STPG2: variants seen among roughly 807,000 people sequenced by gnomAD.
STPG2 encodes the protein sperm tail PG-rich repeat containing 2.
A neutral mutation model predicts 54.2 loss-of-function variants in STPG2; 56 were observed. The observed-to-expected ratio is 1.03, with a 90% confidence interval of 0.83 to 1.29. The LOEUF (loss-of-function observed/expected upper bound fraction) is 1.29, where lower values mean the gene tolerates loss of function less well. Among genes scored for constraint, STPG2 ranks in the 50% most tolerant of loss-of-function variants. The pLI is 0.00. For missense variants in STPG2, 596 were observed against 544.9 expected (o/e 1.09, Z -0.93); for synonymous variants, 200 against 181.8 (o/e 1.10, Z -0.81).
At chr4:97,703,646 CAT>C (rs1212251962) in intron 10 of STPG2, among the ~76,000 whole-genome samples, 7 of 133,386 alleles carry the variant, frequency 5.2e-5, no homozygotes, top group East Asian at 4.3e-4. Context: ...ATAAATAAAA[CAT>C]ATATAAATAA....
rs777580428 is a variant in STPG2 at position 97,972,346 on chromosome 4, A to T, written c.867T>A (p.Ser289=). The T allele has an allele frequency of 2.3e-5, 37 of 1,611,274 alleles. No individual in the cohort carries two copies. The Admixed American group carries it at 6.2e-4, about 27-fold the overall frequency. ...GAACCGAGAAGAAAGTCCGAGGAAC[A>T]GAAGAACCAAATGCACTTTTCTTCT... ...KKQKKSAFGS[S]VPRTFFSVQK... The change falls in exon 7 of 11, where the codon TCT becomes TCA. Residue 289 remains serine, a synonymous_variant. Transcript: ENST00000295268.
chr4:97,549,407 T>C (rs1380205833), intron 4 of STPG2, among the ~76,000 whole-genome samples: 1 of 152,148 alleles, frequency 6.6e-6, no homozygotes, highest in Admixed American at 6.5e-5. Flanking sequence ...TAAAATATTA[T>C]GTTTTCCCTT....
intron 9 of STPG2, among the ~76,000 whole-genome samples, chr4:97,799,453 G>A (rs1382432508): frequency 6.6e-6 from 1 of 152,124 alleles, no homozygotes; most frequent in Non-Finnish European, 1.5e-5. Flanking sequence ...ACTTTGTTTG[G>A]CTGGATATGA....
intron 8 of STPG2, among the ~76,000 whole-genome samples, chr4:97,846,677 C>G (rs1271658878): frequency 6.7e-6 from 1 of 149,788 alleles, no homozygotes; most frequent in Non-Finnish European, 1.5e-5. Context: ...GGCACAGGAC[C>G]ACAAAGGCAG....
chr4:97,926,863 C>G (rs574895513), intron 8 of STPG2, among the ~76,000 whole-genome samples: 1 of 152,078 alleles, frequency 6.6e-6, no homozygotes, highest in South Asian at 2.1e-4. Context: ...CATAACTCTA[C>G]CATTTTTACA....
rs527430991 is a variant in STPG2 at position 97,507,281 on chromosome 4, G to C, written c.462+205418C>G. Reference sequence around the variant, plus strand: ...AACTTTAACACCAGAATTATGACTAGAGATAACTAGGAATATTTCATAATT... The same window carrying C: ...AACTTTAACACCAGAATTATGACTACAGATAACTAGGAATATTTCATAATT... On this transcript the variant is annotated intron_variant, in intron 4 of 4. Coordinates refer to the STPG2 transcript ENST00000522676. Among the ~76,000 whole-genome samples, 73 of 152,114 alleles carry C rather than the reference G, an allele frequency of 4.8e-4. No homozygotes were observed. The South Asian group carries it at 0.014, about 29-fold the overall frequency.
chr4:97,460,483 G>C (rs1729636218), intron 4 of STPG2, among the ~76,000 whole-genome samples: 2 of 149,526 alleles, frequency 1.3e-5, no homozygotes, highest in Admixed American at 6.6e-5. Context: ...CACTTATTTT[G>C]GGACAATCTC....
chr4:97,549,449 A>T (rs1437249699), intron 4 of STPG2, among the ~76,000 whole-genome samples: 1 of 152,110 alleles, frequency 6.6e-6, no homozygotes, highest in African/African-American at 2.4e-5. Context: ...CTGTAAATAG[A>T]TTTGGAGTGC....
intron 9 of STPG2, among the ~76,000 whole-genome samples, chr4:97,814,167 G>C (rs1268210158): frequency 4.6e-5 from 7 of 152,134 alleles, no homozygotes; most frequent in African/African-American, 1.7e-4. Flanking sequence ...GTATTGTTGA[G>C]ATATATTTTA....
At chr4:97,962,688 T>A (rs191486071) in intron 7 of STPG2, among the ~76,000 whole-genome samples, 1 of 152,216 alleles carries the variant, frequency 6.6e-6, no homozygotes, top group Non-Finnish European at 1.5e-5. Flanking sequence ...TCACTTAGTA[T>A]TGCAACAACA....
At chr4:98,109,158 G>T in intron 4 of STPG2, 35 bp downstream of exon 4, 1 of 1,260,852 alleles carries the variant, frequency 7.9e-7, no homozygotes, top group Non-Finnish European at 1.1e-6. Context: ...CTAGTCAAGA[G>T]CTACATTAAA....
At chr4:97,461,591 A>G (rs1729665224) in intron 4 of STPG2, among the ~76,000 whole-genome samples, 1 of 152,176 alleles carries the variant, frequency 6.6e-6, no homozygotes, top group Admixed American at 6.5e-5. Context: ...GATTTCTAGC[A>G]AACTGCGAGA....
At chr4:97,488,883 C>A (rs910694671) in intron 4 of STPG2, among the ~76,000 whole-genome samples, 2 of 151,620 alleles carry the variant, frequency 1.3e-5, no homozygotes, top group African/African-American at 4.8e-5. Flanking sequence ...TGAGATGTTA[C>A]CCTACTTTCA....
At chr4:97,472,017 A>G (rs564583240) in intron 4 of STPG2, among the ~76,000 whole-genome samples, 211 of 152,318 alleles carry the variant, frequency 1.4e-3, no homozygotes, top group Non-Finnish European at 2.4e-3. Flanking sequence ...ATTTATGTGC[A>G]TATTGAGTGT....
intron 2 of STPG2, among the ~76,000 whole-genome samples, chr4:98,132,948 T>TAAA (rs200375140): frequency 5.9e-5 from 6 of 101,564 alleles, no homozygotes; most frequent in African/African-American, 1.0e-4. Context: ...TGAAATGAAC[T>TAAA]AAAAAAAAAA....
chr4:97,808,969 G>A (rs1330619537), intron 9 of STPG2, among the ~76,000 whole-genome samples: 1 of 151,958 alleles, frequency 6.6e-6, no homozygotes, highest in African/African-American at 2.4e-5. Flanking sequence ...TGAATTACTA[G>A]GAAATAGGCA....
rs1732273576 is a variant in STPG2 at position 97,562,241 on chromosome 4, TTGTC to T, written c.1321-3128_1321-3125del. 3.3e-5 allele frequency among the ~76,000 whole-genome samples: 5 copies of T among 152,140 alleles called. 1 individual carries two copies. The South Asian group carries it at 1.0e-3, about 31-fold the overall frequency. On this transcript the variant is annotated intron_variant, in intron 10 of 10. Coordinates refer to ENST00000295268, the MANE Select transcript of STPG2 (RefSeq NM_174952.3). ...GTTCACTCATGATTTGGCTCTCTGT[TTGTC>T]TGTTATTGGTGTATAAGAATGCCTG...
chr4:97,442,795 T>C (rs975233368), intron 4 of STPG2, among the ~76,000 whole-genome samples: 5 of 152,188 alleles, frequency 3.3e-5, no homozygotes, highest in Admixed American at 3.3e-4. Context: ...GTGACAATGG[T>C]AATTCTCAAA....
At chr4:97,477,068 T>G (rs1730090119) in intron 4 of STPG2, among the ~76,000 whole-genome samples, 1 of 152,176 alleles carries the variant, frequency 6.6e-6, no homozygotes, top group South Asian at 2.1e-4. Flanking sequence ...GTCCTGTCAT[T>G]GGGTTGTGAA....
Sources: allele counts gnomAD v4.1 joint callset (sites outside exome capture counted in the v4.1 genomes callset), GRCh38; gene constraint gnomAD v4.1.1; transcripts MANE v1.5; gene names NCBI Gene and HGNC (gene_info 2026-07-23, HGNC 2026-07-21).